Variants in MAK observed in about 807,000 individuals in gnomAD.
MAK encodes serine/threonine-protein kinase MAK.
MAK carries 65 observed loss-of-function variants against 82.6 expected under a neutral mutation model. That is an observed-to-expected ratio of 0.79 (90% CI 0.64 to 0.97). MAK has a LOEUF of 0.97. Among genes scored for constraint, MAK ranks in the 50% least tolerant of loss-of-function variants. MAK has a pLI of 0.00. For missense variants in MAK, 703 were observed against 780.2 expected (o/e 0.90, Z 1.18); for synonymous variants, 250 against 274.2 (o/e 0.91, Z 0.87).
At chr6:10,815,912 G>GTGTGTGTGTATATATA (rs1554184483) in intron 4 of MAK, among the ~76,000 whole-genome samples, 4 of 108,318 alleles carry the variant, frequency 3.7e-5, no homozygotes, top group Non-Finnish European at 7.0e-5. Context: ...GCTTTATACA[G>GTGTGTGTGTATATATA]TATATATATA....
intron 8 of MAK, among the ~76,000 whole-genome samples, chr6:10,796,805 CA>C (rs70991046): frequency 0.3 from 36,616 of 122,224 alleles, 4,622 homozygotes; most frequent in African/African-American, 0.41. Flanking sequence ...GACTCCACCT[CA>C]AAAAAAAAAA....
intron 7 of MAK, chr6:10,802,544 T>A (rs1304567781): frequency 6.4e-6 from 1 of 156,126 alleles, no homozygotes; most frequent in Non-Finnish European, 1.4e-5. Context: ...CAAGTGATCC[T>A]CCTGCCTGGG....
At chr6:10,777,889 C>G (rs1374414666) in intron 11 of MAK, among the ~76,000 whole-genome samples, 1 of 152,220 alleles carries the variant, frequency 6.6e-6, no homozygotes, top group Non-Finnish European at 1.5e-5. Flanking sequence ...CCGCCTGCCT[C>G]AGCCTCCCAA....
intron 11 of MAK, among the ~76,000 whole-genome samples, chr6:10,782,615 G>C (rs1774099261): frequency 1.6e-5 from 2 of 124,010 alleles, no homozygotes. Flanking sequence ...GTCTTGCTCT[G>C]TTGCCCATGC....
intron 13 of MAK, among the ~76,000 whole-genome samples, chr6:10,772,530 G>A (rs142495537): frequency 2.8e-3 from 431 of 151,620 alleles, no homozygotes; most frequent in African/African-American, 9.1e-3. Context: ...TTTTAGTAGA[G>A]ACACGGGTTT....
chr6:10,833,891 T>C (rs1460525344), intron 1 of MAK, among the ~76,000 whole-genome samples: 1 of 152,164 alleles, frequency 6.6e-6, no homozygotes, highest in African/African-American at 2.4e-5. Flanking sequence ...TGTCACCTTA[T>C]TCATAGACAC....
rs547604321 is a variant in MAK at position 10,792,462 on chromosome 6, C to T, written c.1144-615G>A. On this transcript the variant is annotated intron_variant, in intron 9 of 14. Coordinates refer to ENST00000354489, the MANE Select transcript of MAK (RefSeq NM_001242957.3). ...TCCCTATTGTTTAAGCCACAGTGGTCGAGTTTTTGTCATAAGTCCCTGAAT... is the reference window on the plus strand; with the variant it reads ...TCCCTATTGTTTAAGCCACAGTGGTTGAGTTTTTGTCATAAGTCCCTGAAT... Among the ~76,000 whole-genome samples the T allele has an allele frequency of 4.6e-5, 7 of 152,242 alleles. No homozygotes were observed. In the East Asian group the frequency reaches 9.6e-4, roughly 21 times the overall value.
intron 11 of MAK, among the ~76,000 whole-genome samples, chr6:10,781,640 T>G (rs909986702): frequency 4.6e-5 from 7 of 152,000 alleles, no homozygotes; most frequent in Admixed American, 2.0e-4. Flanking sequence ...GACAGGCTAG[T>G]CTCGAACTCC....
intron 6 of MAK, among the ~76,000 whole-genome samples, chr6:10,806,200 G>A (rs1230355662): frequency 6.8e-6 from 1 of 146,854 alleles, no homozygotes; most frequent in Non-Finnish European, 1.5e-5. Context: ...TTGAGACGGA[G>A]TTTTGCTCTT....
At chr6:10,795,976 A>C (rs752839134) in intron 9 of MAK, 22 bp downstream of exon 9, 1 of 1,609,548 alleles carries the variant, frequency 6.2e-7, no homozygotes, top group Admixed American at 1.7e-5. Flanking sequence ...TTTCATTGCA[A>C]GTGTCATGAC....
rs1454917334 is a variant in MAK, at chr6:10,830,597, C to G, written c.52G>C (p.Val18Leu). 6.2e-7 allele frequency: 1 copy of G among 1,614,202 alleles called. No homozygotes were observed. The highest frequency in any genetic ancestry group is 1.1e-5 in the South Asian group (1 of 91,082). ...RQLGDGTYGS[V>L]LMGKSNESGE... ...GATTCATTACTCTTGCCCATAAGCA[C>G]ACTCCCATACGTGCCGTCCCCCAAC... Residue 18 changes from valine (V) to leucine (L), a missense_variant, in exon 2 of 15, where the codon GTG (valine) becomes CTG (leucine). Coordinates refer to ENST00000354489, the MANE Select transcript of MAK (RefSeq NM_001242957.3).
At chr6:10,832,227 C>T (rs1017427828) in intron 1 of MAK, among the ~76,000 whole-genome samples, 1 of 152,228 alleles carries the variant, frequency 6.6e-6, no homozygotes, top group African/African-American at 2.4e-5. Flanking sequence ...CTCAGCGATC[C>T]GCCCGCCTCG....
At chr6:10,769,881 C>A (rs1772832543) in intron 14 of MAK, among the ~76,000 whole-genome samples, 1 of 152,126 alleles carries the variant, frequency 6.6e-6, no homozygotes, top group Non-Finnish European at 1.5e-5. Flanking sequence ...TTACACTGTG[C>A]CTGGCAGAGA....
chr6:10,771,878 C>T (rs192364196), intron 13 of MAK, among the ~76,000 whole-genome samples: 95 of 152,322 alleles, frequency 6.2e-4, no homozygotes, highest in Non-Finnish European at 1.2e-3. Context: ...GAAAAATTTT[C>T]GGAAGGAAAT....
intron 11 of MAK, chr6:10,780,186 T>C: frequency 1.1e-6 from 1 of 873,752 alleles, no homozygotes; most frequent in Non-Finnish European, 1.4e-6. Context: ...AAACAATTCT[T>C]TGTAATTGAG....
chr6:10,807,336 C>T (rs1430323337), intron 6 of MAK, among the ~76,000 whole-genome samples: 2 of 73,734 alleles, frequency 2.7e-5, no homozygotes, highest in Admixed American at 1.9e-4. Context: ...ACATATATTC[C>T]TTTTTTTTTT....
intron 1 of MAK, 60 bp downstream of exon 1, chr6:10,838,443 G>C (rs913889367): frequency 8.5e-5 from 13 of 152,342 alleles, no homozygotes; most frequent in African/African-American, 3.1e-4. Context: ...CGGCTGGGTC[G>C]GACAGAGGGT....
In MAK at chr6:10,813,781, G is replaced by A. The variant is rs188215057; in HGVS notation, c.279-58C>T. The A allele has an allele frequency of 2.9e-5, 28 of 964,552 alleles. No homozygotes were observed. The African/African-American group carries it at 4.5e-4, about 15-fold the overall frequency. The allele number at this position is 964,552 out of a possible 1,614,324, so 59.7% of individuals were successfully genotyped here. ...TAAGCAACCAGCCAACCAATCCAAA[G>A]AAGGTTTATATTCCCCCTGCCTTGG... On this transcript the variant is annotated intron_variant, in intron 4 of 14. Transcript: ENST00000354489.
At chr6:10,775,529 C>T (rs1179021696) in intron 11 of MAK, 70 bp from the exon 12 acceptor site, 4 of 1,533,088 alleles carry the variant, frequency 2.6e-6, no homozygotes, top group East Asian at 2.3e-5. Flanking sequence ...TTATGTAATA[C>T]ATTCAAACAA....
Sources: allele counts gnomAD v4.1 joint callset (sites outside exome capture counted in the v4.1 genomes callset), GRCh38; gene constraint gnomAD v4.1.1; transcripts MANE v1.5; gene names NCBI Gene and HGNC (gene_info 2026-07-23, HGNC 2026-07-21).